Variants in TXNDC12 observed in about 807,000 individuals in gnomAD.
TXNDC12 encodes the protein thioredoxin domain containing 12.
Under a neutral mutation model 24.2 loss-of-function variants are expected in TXNDC12, and 22 were observed. That is an observed-to-expected ratio of 0.91 (90% CI 0.65 to 1.30). TXNDC12 has a LOEUF of 1.30. TXNDC12 is among the 50% of genes most tolerant of loss of function. The pLI is 0.00. For missense variants in TXNDC12, 184 were observed against 205.8 expected (o/e 0.89, Z 0.65); for synonymous variants, 58 against 73.4 (o/e 0.79, Z 1.07).
intron 3 of TXNDC12, 22 bp from the exon 4 acceptor site, chr1:52,027,370 A>T (rs767622518): frequency 1.0e-5 from 16 of 1,561,520 alleles, no homozygotes; most frequent in Non-Finnish European, 1.4e-5. Flanking sequence ...AAGATTTTGG[A>T]ATAGAAGAAA....
intron 2 of TXNDC12, among the ~76,000 whole-genome samples, chr1:52,038,219 C>T (rs927427925): frequency 1.3e-5 from 2 of 152,032 alleles, no homozygotes; most frequent in East Asian, 1.9e-4. Flanking sequence ...AACACCTGTT[C>T]AGGCAGATAT....
chr1:52,031,627 G>C (rs1361729869), intron 2 of TXNDC12, among the ~76,000 whole-genome samples: 2 of 152,030 alleles, frequency 1.3e-5, no homozygotes, highest in African/African-American at 4.8e-5. Flanking sequence ...AGAGTAGCTG[G>C]GATTACAGGC....
intron 6 of TXNDC12, among the ~76,000 whole-genome samples, chr1:52,022,918 C>T (rs916002899): frequency 1.3e-5 from 2 of 151,812 alleles, no homozygotes; most frequent in Admixed American, 6.6e-5. Context: ...GGATTACAGG[C>T]GTGAGCCACC....
At chr1:52,033,662 C>T in intron 2 of TXNDC12, 8 of 1,611,276 alleles carry the variant, frequency 5.0e-6, no homozygotes, top group Admixed American at 3.3e-5. Context: ...TCGTCCACCA[C>T]GTACACCGCG....
Position 52,020,975 on chromosome 1 carries a change from C to G in TXNDC12, c.477G>C (p.Thr159=). The stretch of plus-strand genomic sequence containing the variant: ...GATGTTTCTTTCTGAAGGCATCACC[C>G]GTCAGCCTTTCCTGAGCTTCCTTCA... ...QGMKEAQERL[T]GDAFRKKHLE... Residue 159 remains threonine (T), a synonymous_variant, in exon 7 of 7, where the codon ACG becomes ACC. Transcript: ENST00000371626. The G allele has an allele frequency of 5.6e-6, 9 of 1,614,136 alleles. No individual in the cohort carries two copies. The highest frequency in any genetic ancestry group is 7.6e-6 in the Non-Finnish European group (9 of 1,179,978).
chr1:52,048,750 G>A (rs1334569079), intron 1 of TXNDC12, among the ~76,000 whole-genome samples: 2 of 152,142 alleles, frequency 1.3e-5, no homozygotes, highest in East Asian at 3.9e-4. Flanking sequence ...CCAGCTATCT[G>A]GGAGGCTGAG....
chr1:52,026,315 T>C (rs1685671289), intron 4 of TXNDC12, among the ~76,000 whole-genome samples: 1 of 152,154 alleles, frequency 6.6e-6, no homozygotes, highest in Non-Finnish European at 1.5e-5. Context: ...AGATGGTTCT[T>C]TCTGTAAAAT....
chr1:52,039,498 T>A (rs965664793), intron 2 of TXNDC12, among the ~76,000 whole-genome samples: 2 of 152,020 alleles, frequency 1.3e-5, no homozygotes, highest in African/African-American at 4.8e-5. Context: ...CCAGCTAAGT[T>A]TTTTGTATTT....
chr1:52,046,853 T>TA lies in TXNDC12; in HGVS notation c.98-5257dup, dbSNP rs753854382. 2.6e-4 allele frequency among the ~76,000 whole-genome samples: 33 copies of TA among 127,638 alleles called. 1 individual carries two copies. In the East Asian group the frequency reaches 5.2e-3, roughly 20 times the overall value. The allele number at this position is 127,638 out of a possible 152,430, so 83.7% of individuals were successfully genotyped here. A position where few individuals can be genotyped will look rare whatever the true frequency, so the allele number is the denominator to read the frequency against. On this transcript the variant is annotated intron_variant, in intron 1 of 6. Coordinates refer to ENST00000371626, the MANE Select transcript of TXNDC12 (RefSeq NM_015913.4). The stretch of plus-strand genomic sequence containing the variant: ...CAACATGGTGAAACCCCATCTCTAC[T>TA]AAAAAAAAAAAAAATATATATATAT...
At chr1:52,024,106 C>T (rs1334251920) in intron 5 of TXNDC12, among the ~76,000 whole-genome samples, 2 of 151,926 alleles carry the variant, frequency 1.3e-5, no homozygotes, top group Non-Finnish European at 2.9e-5. Context: ...TTGATCCTCC[C>T]GCCTCAGCCT....
chr1:52,039,413 C>T (rs564175078), intron 2 of TXNDC12, among the ~76,000 whole-genome samples: 3 of 152,156 alleles, frequency 2.0e-5, no homozygotes, highest in Admixed American at 2.0e-4. Flanking sequence ...ACTGCAACTC[C>T]GTCTCCCAGG....
At chr1:52,021,161 A>G (rs750514537) in intron 6 of TXNDC12, 149 bp from the exon 7 acceptor site, 2 of 609,106 alleles carry the variant, frequency 3.3e-6, no homozygotes, top group Non-Finnish European at 5.8e-6. Flanking sequence ...GGCCCTGGCA[A>G]GTCATTTATC....
chr1:52,041,346 A>G (rs1685986135), intron 2 of TXNDC12, among the ~76,000 whole-genome samples, 191 bp downstream of exon 2: 1 of 152,050 alleles, frequency 6.6e-6, no homozygotes, highest in Non-Finnish European at 1.5e-5. Flanking sequence ...AAGAAAAAAA[A>G]AAAAAGAAAA....
intron 1 of TXNDC12, among the ~76,000 whole-genome samples, chr1:52,048,430 C>T (rs1321674313): frequency 6.6e-6 from 1 of 150,488 alleles, no homozygotes; most frequent in Non-Finnish European, 1.5e-5. Context: ...GGCACCACTG[C>T]ACTCTAGCTC....
At chr1:52,039,088 CAAAAAAAAAA>C (rs56219938) in intron 2 of TXNDC12, among the ~76,000 whole-genome samples, 16 of 81,704 alleles carry the variant, frequency 2.0e-4, no homozygotes, top group African/African-American at 7.7e-4. Flanking sequence ...GACACCGTCT[CAAAAAAAAAA>C]AAAAAAAAAA....
rs1266789905 is a variant in TXNDC12 at position 52,054,982 on chromosome 1, A to T, written c.97+18T>A. 2 of 1,581,102 alleles carry T rather than the reference A, an allele frequency of 1.3e-6. No individual in the cohort carries two copies. Among genetic ancestry groups the T allele is most frequent in the Non-Finnish European group, 1.7e-6 (2 of 1,150,092 alleles). ...TATAGTAAAGATCAGTAAAGAGAAGATAAGAACGCGGTCTGACCCTTTCCA... is the reference window on the plus strand; with the variant it reads ...TATAGTAAAGATCAGTAAAGAGAAGTTAAGAACGCGGTCTGACCCTTTCCA... On this transcript the variant is annotated intron_variant, in intron 1 of 6. Coordinates refer to ENST00000371626, the MANE Select transcript of TXNDC12 (RefSeq NM_015913.4).
chr1:52,028,517 T>G (rs1685706624), intron 3 of TXNDC12, 61 bp downstream of exon 3: 1 of 1,377,254 alleles, frequency 7.3e-7, no homozygotes, highest in African/African-American at 1.4e-5. Flanking sequence ...CAATATTTGT[T>G]AAATGTTAAT....
chr1:52,050,170 AAGC>A (rs1188659304), intron 1 of TXNDC12, among the ~76,000 whole-genome samples: 6 of 152,160 alleles, frequency 3.9e-5, no homozygotes, highest in Non-Finnish European at 8.8e-5. Flanking sequence ...AGCTTCACCA[AAGC>A]AGAATGGGAA....
Position 52,024,582 on chromosome 1 carries a change from A to G in TXNDC12, c.286-3T>C. ...TCATCTTTGGGTTCCTCTTCATCCT[A>G]TTAAGATTAAATGTAAACCTTAAGT... is the stretch of plus-strand genomic sequence containing the variant. On this transcript the variant is annotated splice_region_variant and splice_polypyrimidine_tract_variant and intron_variant, in intron 4 of 6. Transcript: ENST00000371626. The G allele has an allele frequency of 6.2e-7, 1 of 1,605,032 alleles. No individual in the cohort carries two copies. Among genetic ancestry groups the G allele is most frequent in the Non-Finnish European group, 8.5e-7 (1 of 1,174,306 alleles).
Sources: gnomAD v4.1 joint callset for allele counts (sites outside exome capture counted in the v4.1 genomes callset) on GRCh38, gnomAD v4.1.1 for gene constraint, MANE v1.5 for transcripts, NCBI Gene and HGNC (gene_info 2026-07-23, HGNC 2026-07-21) for gene names.